MLIP: variants seen among roughly 807,000 people sequenced by gnomAD.
The protein encoded by MLIP is muscular LMNA-interacting protein.
MLIP carries 79 observed loss-of-function variants against 84.8 expected under a neutral mutation model. That is an observed-to-expected ratio of 0.93 (90% CI 0.78 to 1.12). The LOEUF (loss-of-function observed/expected upper bound fraction) is 1.12, where lower values mean the gene tolerates loss of function less well. MLIP is among the 50% of genes most tolerant of loss of function. The pLI is 0.00. For synonymous variants in MLIP, 504 were observed against 463.0 expected, an observed-to-expected ratio of 1.09 and a Z score of -1.14; for missense variants, 1,257 against 1,160.6, an observed-to-expected ratio of 1.08 and a Z score of -1.21.
intron 1 of MLIP, among the ~76,000 whole-genome samples, chr6:54,113,426 A>G (rs1451713989): frequency 6.6e-6 from 1 of 152,152 alleles, no homozygotes; most frequent in Non-Finnish European, 1.5e-5. Flanking sequence ...TGTATTACGT[A>G]TTGTTGATAG....
At chr6:54,167,272 G>A (rs747851548) in intron 8 of MLIP, among the ~76,000 whole-genome samples, 11 of 151,976 alleles carry the variant, frequency 7.2e-5, no homozygotes, top group South Asian at 2.1e-4. Flanking sequence ...ACAAGGTCCT[G>A]TATGGTCTGG....
At chr6:54,111,796 T>C (rs1410938917) in intron 1 of MLIP, among the ~76,000 whole-genome samples, 1 of 152,090 alleles carries the variant, frequency 6.6e-6, no homozygotes, top group Non-Finnish European at 1.5e-5. Context: ...CTTGGCACAG[T>C]GATAATGTAA....
intron 1 of MLIP, among the ~76,000 whole-genome samples, chr6:54,120,536 G>T (rs954106633): frequency 1.3e-5 from 2 of 152,164 alleles, no homozygotes; most frequent in African/African-American, 2.4e-5. Context: ...ACCGCTCCCG[G>T]CTGGTTTGTG....
At chr6:54,252,479 ATAT>A (rs1012834749) in intron 12 of MLIP, among the ~76,000 whole-genome samples, 16 of 139,534 alleles carry the variant, frequency 1.1e-4, no homozygotes, top group Non-Finnish European at 2.3e-4. Context: ...TAAATATAAT[ATAT>A]TATAACATAA....
chr6:54,097,206 G>C (rs981718972), intron 1 of MLIP, among the ~76,000 whole-genome samples: 1 of 152,122 alleles, frequency 6.6e-6, no homozygotes, highest in Non-Finnish European at 1.5e-5. Flanking sequence ...TCTTGTTTGA[G>C]ATCTCTTCTT....
intron 12 of MLIP, among the ~76,000 whole-genome samples, chr6:54,251,098 T>C (rs1168873351): frequency 3.9e-5 from 6 of 152,036 alleles, no homozygotes; most frequent in Non-Finnish European, 7.4e-5. Flanking sequence ...ATGTGGTAAA[T>C]GATCTAACTA....
intron 12 of MLIP, among the ~76,000 whole-genome samples, chr6:54,236,454 T>C (rs1035134485): frequency 1.3e-5 from 2 of 152,000 alleles, no homozygotes; most frequent in African/African-American, 2.4e-5. Flanking sequence ...TACAAAAGAT[T>C]AGCCAGGTGT....
intron 1 of MLIP, among the ~76,000 whole-genome samples, chr6:54,056,189 TC>T (rs971336475): frequency 1.4e-4 from 22 of 152,312 alleles, no homozygotes; most frequent in African/African-American, 4.8e-4. Flanking sequence ...CTAAAACTCA[TC>T]CATCATGCAC....
chr6:54,126,971 A>G (rs1337486345), intron 3 of MLIP, among the ~76,000 whole-genome samples: 5 of 151,986 alleles, frequency 3.3e-5, no homozygotes, highest in African/African-American at 4.8e-5. Context: ...TTCTATCTAC[A>G]TCTTTTACCT....
chr6:54,123,059 A>ATAGC (rs774019048), intron 2 of MLIP, among the ~76,000 whole-genome samples: 11 of 151,866 alleles, frequency 7.2e-5, no homozygotes, highest in Admixed American at 3.3e-4. Context: ...AGCCTCCCGA[A>ATAGC]TAGCTGGGAC....
chr6:54,054,015 A>G (rs1200663509), intron 1 of MLIP, among the ~76,000 whole-genome samples: 5 of 152,194 alleles, frequency 3.3e-5, no homozygotes, highest in Admixed American at 3.3e-4. Context: ...AAACCATCCA[A>G]ATTTGCCATC....
intron 12 of MLIP, among the ~76,000 whole-genome samples, chr6:54,236,736 C>T (rs1321831502): frequency 2.6e-5 from 4 of 152,062 alleles, no homozygotes. Flanking sequence ...TTCTAATGTT[C>T]CTATGCTCAA....
chr6:54,154,957 C>T (rs1337300746), intron 5 of MLIP, among the ~76,000 whole-genome samples: 1 of 151,980 alleles, frequency 6.6e-6, no homozygotes, highest in Non-Finnish European at 1.5e-5. Context: ...TATAGATTCC[C>T]CTACCATTGA....
At chr6:54,139,579 T>C (rs1030417305) in intron 4 of MLIP, among the ~76,000 whole-genome samples, 4 of 152,174 alleles carry the variant, frequency 2.6e-5, no homozygotes, top group African/African-American at 4.8e-5. Flanking sequence ...AGTCAGGAAC[T>C]ATGCTAGTAT....
At chr6:54,035,328 A>G (rs1057039273) in intron 1 of MLIP, among the ~76,000 whole-genome samples, 2 of 152,172 alleles carry the variant, frequency 1.3e-5, no homozygotes, top group African/African-American at 4.8e-5. Context: ...ATTCCATGTT[A>G]TAGCTCCAGC....
At chr6:54,201,502 A>G (rs770618859) in intron 10 of MLIP, among the ~76,000 whole-genome samples, 1 of 152,176 alleles carries the variant, frequency 6.6e-6, no homozygotes, top group East Asian at 1.9e-4. Flanking sequence ...TGTAGCTTCT[A>G]CATGACATAC....
chr6:54,022,668 A>G (rs1431269470), intron 1 of MLIP, among the ~76,000 whole-genome samples: 2 of 151,336 alleles, frequency 1.3e-5, no homozygotes, highest in East Asian at 1.9e-4. Flanking sequence ...CTGAAATTTC[A>G]TAATGAAAAG....
intron 3 of MLIP, among the ~76,000 whole-genome samples, chr6:54,125,549 C>A: frequency 6.6e-6 from 1 of 152,220 alleles, no homozygotes; most frequent in Middle Eastern, 3.4e-3. Context: ...AGAAAGGATG[C>A]GGACAAGGAG....
At position 54,137,550 on chromosome 6, in the gene MLIP, C is replaced by T; in HGVS notation, c.1481C>T (p.Pro494Leu). Residue 494 changes from proline (P) to leucine (L), a missense_variant, in exon 4 of 14, where the codon CCT becomes CTT. Coordinates refer to ENST00000502396, the MANE Select transcript of MLIP (RefSeq NM_001281747.2). ...SELTQQSFHLPVFTKSTPLSQ... is the reference protein window; with the variant it reads ...SELTQQSFHLLVFTKSTPLSQ... ...TTGACCCAGCAATCTTTTCACCTGC[C>T]TGTTTTCACCAAGTCTACTCCGCTT... is the stretch of plus-strand genomic sequence containing the variant. 6.5e-7 allele frequency: 1 copy of T among 1,536,098 alleles called. No homozygotes were observed. Among genetic ancestry groups the T allele is most frequent in the Middle Eastern group, 1.7e-4 (1 of 5,990 alleles).
Sources: allele counts gnomAD v4.1 joint callset (sites outside exome capture counted in the v4.1 genomes callset), GRCh38; gene constraint gnomAD v4.1.1; transcripts MANE v1.5; gene names NCBI Gene and HGNC (gene_info 2026-07-23, HGNC 2026-07-21).